The following COL4A2 variants were observed in gnomAD, a reference collection of about 807,000 sequenced individuals.
The protein encoded by COL4A2 is collagen alpha-2(IV) chain.
Under a neutral mutation model 200.2 loss-of-function variants are expected in COL4A2, and 99 were observed. The ratio of observed to expected loss-of-function variants is 0.49; its 90% confidence interval spans 0.42 to 0.58. COL4A2 has a LOEUF of 0.58. COL4A2 is among the 20% of genes least tolerant of loss of function. The pLI, the probability that COL4A2 is intolerant of heterozygous loss-of-function variation, is 0.00. For synonymous variants in COL4A2, 897 were observed against 900.6 expected (o/e 1.00, Z 0.07); for missense variants, 1,950 against 2,314.1 (o/e 0.84, Z 3.23).
At chr13:110,327,856 G>C (rs1415142104) in intron 3 of COL4A2, among the ~76,000 whole-genome samples, 1 of 152,196 alleles carries the variant, frequency 6.6e-6, no homozygotes, top group African/African-American at 2.4e-5. Context: ...GCAAAGTTGT[G>C]ACTGTAAACA....
chr13:110,314,128 A>T (rs1885071635), intron 3 of COL4A2, among the ~76,000 whole-genome samples: 1 of 152,220 alleles, frequency 6.6e-6, no homozygotes, highest in Non-Finnish European at 1.5e-5. Context: ...TTTCTGTACC[A>T]ATGTTGATTT....
Position 110,434,231 on chromosome 13 carries a change from A to G in COL4A2, c.685-170A>G, listed in dbSNP as rs192308933. ...TCTGAGGCCTTGGTCAACTGACATG[A>G]CAAACTGTCAATTAGTTTCTACAAT... On this transcript the variant is annotated intron_variant, in intron 11 of 47. Transcript: ENST00000360467. Among the ~76,000 whole-genome samples the G allele has an allele frequency of 1.5e-3, 222 of 152,354 alleles. 1 individual carries two copies. The highest frequency in any genetic ancestry group is 4.6e-4 in the Non-Finnish European group (31 of 68,034).
chr13:110,501,812 C>T lies in COL4A2; in HGVS notation c.3877+28C>T, dbSNP rs388222. 627,454 of 1,602,492 alleles carry T rather than the reference C, an allele frequency of 0.39. 126,605 individuals carry two copies. The highest frequency in any genetic ancestry group is 0.68 in the East Asian group (30,592 of 44,742). On this transcript the variant is annotated intron_variant, in intron 41 of 47. Coordinates refer to ENST00000360467, the MANE Select transcript of COL4A2 (RefSeq NM_001846.4). Reference sequence around the variant, plus strand: ...AAGCAGGACTTATACATCTGTGCTTCGACATCTCTAGGGGCAGGAGCTGGC... The same window carrying T: ...AAGCAGGACTTATACATCTGTGCTTTGACATCTCTAGGGGCAGGAGCTGGC...
At chr13:110,313,202 C>T (rs1885033422) in intron 3 of COL4A2, among the ~76,000 whole-genome samples, 1 of 152,102 alleles carries the variant, frequency 6.6e-6, no homozygotes, top group South Asian at 2.1e-4. Flanking sequence ...CTGGATAGTC[C>T]CCTCTTGCTG....
intron 4 of COL4A2, among the ~76,000 whole-genome samples, chr13:110,409,134 CACACACGCACACATGT>C (rs1879727085): frequency 6.6e-6 from 1 of 151,676 alleles, no homozygotes; most frequent in Non-Finnish European, 1.5e-5. Context: ...CATGCACATG[CACACACGCACACATGT>C]ACACACATGC....
intron 12 of COL4A2, among the ~76,000 whole-genome samples, chr13:110,434,740 C>T (rs2139462834): frequency 6.6e-6 from 1 of 152,310 alleles, no homozygotes; most frequent in East Asian, 1.9e-4. Context: ...TCACTGAGTG[C>T]ATCTTCTCCT....
At chr13:110,421,841 C>G (rs1880263238) in intron 4 of COL4A2, among the ~76,000 whole-genome samples, 1 of 152,168 alleles carries the variant, frequency 6.6e-6, no homozygotes, top group Non-Finnish European at 1.5e-5. Context: ...GGTTTACTGA[C>G]AGTGAAAGGA....
intron 4 of COL4A2, among the ~76,000 whole-genome samples, chr13:110,387,895 C>T (rs769570662): frequency 6.6e-6 from 1 of 152,158 alleles, no homozygotes; most frequent in Non-Finnish European, 1.5e-5. Context: ...TGGGACAGTT[C>T]GGTGTGTGTT....
chr13:110,322,410 G>A (rs1184727832), intron 3 of COL4A2, among the ~76,000 whole-genome samples: 4 of 152,202 alleles, frequency 2.6e-5, no homozygotes, highest in Non-Finnish European at 5.9e-5. Flanking sequence ...CAGTGAGCGA[G>A]GTCTGGGTTG....
At chr13:110,480,931 C>T (rs1023437592) in intron 31 of COL4A2, among the ~76,000 whole-genome samples, 1 of 148,754 alleles carries the variant, frequency 6.7e-6, no homozygotes, top group Non-Finnish European at 1.5e-5. Context: ...TCTGTCCCTC[C>T]GTTGCTGGAG....
chr13:110,344,289 A>G (rs1026403617), intron 3 of COL4A2, among the ~76,000 whole-genome samples: 3 of 152,238 alleles, frequency 2.0e-5, no homozygotes, highest in African/African-American at 4.8e-5. Flanking sequence ...AGACAGAACA[A>G]AATCCCTCAG....
intron 26 of COL4A2, 28 bp from the exon 27 acceptor site, chr13:110,467,012 G>T: frequency 6.2e-7 from 1 of 1,613,898 alleles, no homozygotes; most frequent in Non-Finnish European, 8.5e-7. Context: ...GATTGCTTGG[G>T]CTCATCTTTT....
chr13:110,431,810 T>C (rs2139460207), intron 10 of COL4A2, among the ~76,000 whole-genome samples: 1 of 152,346 alleles, frequency 6.6e-6, no homozygotes, highest in East Asian at 1.9e-4. Flanking sequence ...GCATCTGAAA[T>C]GCTTTAATCC....
At chr13:110,470,380 G>T (rs1164344709) in intron 28 of COL4A2, among the ~76,000 whole-genome samples, 2 of 152,126 alleles carry the variant, frequency 1.3e-5, no homozygotes, top group Admixed American at 6.5e-5. Flanking sequence ...GAACCCTCTT[G>T]TTGCTAGAAA....
chr13:110,420,006 G>A (rs907501510), intron 4 of COL4A2, among the ~76,000 whole-genome samples: 1 of 152,158 alleles, frequency 6.6e-6, no homozygotes, highest in Non-Finnish European at 1.5e-5. Context: ...TGGTGGTCTC[G>A]TGCATTGGTT....
At chr13:110,444,015 C>A in intron 16 of COL4A2, among the ~76,000 whole-genome samples, 1 of 152,276 alleles carries the variant, frequency 6.6e-6, no homozygotes, top group Non-Finnish European at 1.5e-5. Context: ...CAGCCTCCCC[C>A]GAGTCAGTTG....
At position 110,491,243 on chromosome 13, in the gene COL4A2, A is replaced by T; in HGVS notation, c.3357A>T (p.Gly1119=). 6.3e-7 allele frequency: 1 copy of T among 1,596,342 alleles called. No homozygotes were observed. Among genetic ancestry groups the T allele is most frequent in the Non-Finnish European group, 8.5e-7 (1 of 1,170,368 alleles). ...TGTCTGTGGTTGCAGGTCTGAAGGG[A>T]TTCTTTGGAGAGAAGGGAACAGAAG... The part of the protein sequence containing the change: ...RGTTGIPGLK[G]FFGEKGTEGD... Residue 1119 remains glycine (G), a synonymous_variant, in exon 37 of 48, where the codon GGA becomes GGT. Coordinates refer to ENST00000360467, the MANE Select transcript of COL4A2 (RefSeq NM_001846.4).
intron 3 of COL4A2, among the ~76,000 whole-genome samples, chr13:110,327,938 T>G (rs888002268): frequency 1.3e-5 from 2 of 152,220 alleles, no homozygotes; most frequent in African/African-American, 4.8e-5. Flanking sequence ...TAAATAAGTT[T>G]TTATCATATT....
At chr13:110,448,177 C>T (rs1881400898) in intron 18 of COL4A2, among the ~76,000 whole-genome samples, 1 of 152,208 alleles carries the variant, frequency 6.6e-6, no homozygotes, top group Admixed American at 6.5e-5. Flanking sequence ...TTTGACTTGA[C>T]TCATTATTAA....
Sources: gnomAD v4.1 joint callset for allele counts (sites outside exome capture counted in the v4.1 genomes callset) on GRCh38, gnomAD v4.1.1 for gene constraint, MANE v1.5 for transcripts, NCBI Gene and HGNC (gene_info 2026-07-23, HGNC 2026-07-21) for gene names.